Variants in EXD1 observed in about 807,000 individuals in gnomAD.
The protein encoded by EXD1 is exonuclease 3'-5' domain containing 1, also known as piRNA biogenesis protein EXD1.
Under a neutral mutation model 49.1 loss-of-function variants are expected in EXD1, and 63 were observed. The observed-to-expected ratio is 1.28, with a 90% CI of 1.05 to 1.58. EXD1 has a LOEUF of 1.58. EXD1 is among the 40% of genes most tolerant of loss of function. The probability of loss-of-function intolerance (pLI) is 0.00; values close to 1 mark genes in which losing one functional copy is unlikely to be tolerated. For missense variants in EXD1, 748 were observed against 666.0 expected, an observed-to-expected ratio of 1.12 and a Z score of -1.36; for synonymous variants, 234 against 239.2, an observed-to-expected ratio of 0.98 and a Z score of 0.20.
At chr15:41,191,384 A>T in intron 10 of EXD1, 58 bp downstream of exon 10, 1 of 1,507,314 alleles carries the variant, frequency 6.6e-7, no homozygotes, top group Non-Finnish European at 9.1e-7. Context: ...GGCTGATAAT[A>T]CTGCTCAGAA....
intron 10 of EXD1, 84 bp from the exon 11 acceptor site, chr15:41,190,212 T>A: frequency 7.0e-7 from 1 of 1,419,450 alleles, no homozygotes; most frequent in Non-Finnish European, 9.8e-7. Context: ...CAGTGGCTCA[T>A]GCCTGTAATC....
intron 2 of EXD1, among the ~76,000 whole-genome samples, chr15:41,223,377 C>A (rs1595460737): frequency 6.6e-6 from 1 of 151,206 alleles, no homozygotes; most frequent in East Asian, 2.0e-4. Flanking sequence ...CCATGATAGT[C>A]CCACTGCACT....
Position 41,195,747 on chromosome 15 carries a change from T to C in EXD1, c.720+28A>G, listed in dbSNP as rs2046599378. 3 of 1,589,382 alleles carry C rather than the reference T, an allele frequency of 1.9e-6. No individual in the cohort carries two copies. In the East Asian group the frequency reaches 6.7e-5, roughly 36 times the overall value. On this transcript the variant is annotated intron_variant, in intron 9 of 11. Transcript: ENST00000458580. The stretch of plus-strand genomic sequence containing the variant: ...TATCTACAGGAGCTGTATATACTGG[T>C]TTGAATCCAGTGCTTCCCTTCATGT...
chr15:41,195,915 A>C lies in EXD1; in HGVS notation c.639+18T>G. 1 of 1,610,278 alleles carries C rather than the reference A, an allele frequency of 6.2e-7. No homozygotes were observed. The highest frequency in any genetic ancestry group is 8.5e-7 in the Non-Finnish European group (1 of 1,178,168). On this transcript the variant is annotated intron_variant, in intron 8 of 11. Coordinates refer to ENST00000458580, the MANE Select transcript of EXD1 (RefSeq NM_001286441.2). ...GGCTGCTAATCTTAATAGCACAGGA[A>C]TCAGTTTATATACTTACCTTCAAAA...
intron 6 of EXD1, among the ~76,000 whole-genome samples, chr15:41,210,258 G>A (rs1395271827): frequency 6.6e-6 from 1 of 152,092 alleles, no homozygotes; most frequent in Non-Finnish European, 1.5e-5. Flanking sequence ...GCAAACTATG[G>A]CATGCCCTAA....
Position 41,230,502 on chromosome 15 carries a change from TC to T in EXD1, c.-78del. The T allele has an allele frequency of 6.2e-7, 1 of 1,614,150 alleles. No homozygotes were observed. Among genetic ancestry groups the T allele is most frequent in the Non-Finnish European group, 8.5e-7 (1 of 1,179,984 alleles). On this transcript the variant is annotated 5_prime_UTR_variant, in exon 1 of 12. The change creates a premature stop within an existing upstream ORF in the 5' untranslated region. Coordinates refer to ENST00000458580, the MANE Select transcript of EXD1 (RefSeq NM_001286441.2). The stretch of plus-strand genomic sequence containing the variant: ...ACCATAAGCTAGGAATTCACTGTCC[TC>T]CATCGTTAGGGCTTTTTCCTCCGAA...
Position 41,215,343 on chromosome 15 carries a change from A to T in EXD1, c.447+432T>A, listed in dbSNP as rs150515266. On this transcript the variant is annotated intron_variant, in intron 6 of 11. Coordinates refer to ENST00000458580, the MANE Select transcript of EXD1 (RefSeq NM_001286441.2). ...CCTGGCATATAGGCATATAGCAGCC[A>T]CCAAATATGTTGTTGAATTAATAGG... Among the ~76,000 whole-genome samples the T allele has an allele frequency of 1.5e-3, 231 of 152,334 alleles. 1 individual carries two copies. Among genetic ancestry groups the T allele is most frequent in the African/African-American group, 5.4e-3 (224 of 41,576 alleles).
At chr15:41,218,654 C>T (rs1028552670) in intron 3 of EXD1, among the ~76,000 whole-genome samples, 3 of 152,066 alleles carry the variant, frequency 2.0e-5, no homozygotes, top group African/African-American at 7.2e-5. Flanking sequence ...CCATTCACAG[C>T]CTAGCTTTCT....
At position 41,215,845 on chromosome 15, in the gene EXD1, G is replaced by A. The variant is rs1407457297; in HGVS notation, c.389-12C>T. 2 of 1,612,842 alleles carry A rather than the reference G, an allele frequency of 1.2e-6. No homozygotes were observed. Among genetic ancestry groups the A allele is most frequent in the South Asian group, 1.1e-5 (1 of 91,056 alleles). ...CACCTCCTCTTCCTCTACAAGACAAGGATTGCATTAGATATATTTCTCTTC... is the reference window on the plus strand; with the variant it reads ...CACCTCCTCTTCCTCTACAAGACAAAGATTGCATTAGATATATTTCTCTTC... On this transcript the variant is annotated splice_polypyrimidine_tract_variant and intron_variant, in intron 5 of 11. Transcript: ENST00000458580.
At chr15:41,213,468 G>A (rs995250387) in intron 6 of EXD1, among the ~76,000 whole-genome samples, 1 of 148,600 alleles carries the variant, frequency 6.7e-6, no homozygotes, top group African/African-American at 2.5e-5. Flanking sequence ...CAAAGTGCTG[G>A]GATTACAGGC....
intron 11 of EXD1, among the ~76,000 whole-genome samples, chr15:41,186,132 T>C (rs1165925996): frequency 2.0e-5 from 3 of 152,174 alleles, no homozygotes; most frequent in Non-Finnish European, 4.4e-5. Context: ...TCTCTTGAGA[T>C]ACTTTCCATA....
rs2046363976 is a variant in EXD1, at chr15:41,184,046, ACT to A, written c.1602_1603del (p.Arg534SerfsTer5). The A allele has an allele frequency of 6.2e-7, 1 of 1,614,132 alleles. No individual in the cohort carries two copies. Among genetic ancestry groups the A allele is most frequent in the Non-Finnish European group, 8.5e-7 (1 of 1,180,020 alleles). On this transcript the variant is annotated frameshift_variant, in exon 12 of 12. Coordinates refer to ENST00000458580, the MANE Select transcript of EXD1 (RefSeq NM_001286441.2). LOFTEE classifies it low-confidence loss of function (END_TRUNC). ...AGGATAAAAAGTGTCACTTGGAGAC[ACT>A]CTGGTTTCCTGAGGAAAGGAAGACA...
intron 9 of EXD1, among the ~76,000 whole-genome samples, chr15:41,193,199 T>G (rs1263718906): frequency 1.3e-5 from 2 of 151,978 alleles, no homozygotes; most frequent in Non-Finnish European, 2.9e-5. Flanking sequence ...ATTACAGGCG[T>G]GAGCCACTGC....
intron 1 of EXD1, among the ~76,000 whole-genome samples, chr15:41,227,989 G>A (rs746503098): frequency 2.6e-5 from 4 of 152,100 alleles, no homozygotes; most frequent in Non-Finnish European, 5.9e-5. Context: ...GGTGGAGGTT[G>A]CAGTGAGCCA....
chr15:41,209,310 G>A (rs1012127906), intron 7 of EXD1, among the ~76,000 whole-genome samples, 191 bp downstream of exon 7: 2 of 152,124 alleles, frequency 1.3e-5, no homozygotes, highest in African/African-American at 4.8e-5. Context: ...AGCTACTCAG[G>A]AGGCTAAAGT....
rs906254934 is a variant in EXD1, at chr15:41,224,526, A to C, written c.133+1917T>G. On this transcript the variant is annotated intron_variant, in intron 2 of 11. Coordinates refer to ENST00000458580, the MANE Select transcript of EXD1 (RefSeq NM_001286441.2). ...GAAGCTTCCAGATTGGCAGATATGG[A>C]GGTACTGGCAGGGTAGCACAACCAA... 2.0e-5 allele frequency among the ~76,000 whole-genome samples: 3 copies of C among 152,142 alleles called. No individual in the cohort carries two copies. In the South Asian group the frequency reaches 6.2e-4, roughly 31 times the overall value.
intron 7 of EXD1, among the ~76,000 whole-genome samples, chr15:41,196,751 G>A (rs1413961496): frequency 6.6e-6 from 1 of 151,642 alleles, no homozygotes; most frequent in Admixed American, 6.6e-5. Context: ...ATTTTTTGTA[G>A]ACATGGGGTT....
intron 4 of EXD1, 125 bp downstream of exon 4, chr15:41,216,972 T>C (rs2047009455): frequency 2.4e-6 from 3 of 1,274,278 alleles, no homozygotes; most frequent in Admixed American, 2.2e-5. Flanking sequence ...AACACCTATA[T>C]ATTTCTTCTC....
At chr15:41,192,506 A>G (rs139989744) in intron 9 of EXD1, among the ~76,000 whole-genome samples, 3 of 149,074 alleles carry the variant, frequency 2.0e-5, no homozygotes, top group African/African-American at 7.4e-5. Context: ...CATGTTGGCC[A>G]GGATAGTCTC....
Sources: gnomAD v4.1 joint callset for allele counts (sites outside exome capture counted in the v4.1 genomes callset) on GRCh38, gnomAD v4.1.1 for gene constraint, MANE v1.5 for transcripts, NCBI Gene and HGNC (gene_info 2026-07-23, HGNC 2026-07-21) for gene names.